TENM2: variants seen among roughly 807,000 people sequenced by gnomAD.
TENM2 encodes teneurin transmembrane protein 2, also known as teneurin-2.
Under a neutral mutation model 245.2 loss-of-function variants are expected in TENM2, and 52 were observed. The ratio of observed to expected loss-of-function variants is 0.21; its 90% confidence interval spans 0.17 to 0.27. The LOEUF (loss-of-function observed/expected upper bound fraction) is 0.27, where lower values mean the gene tolerates loss of function less well. Among genes scored for constraint, TENM2 ranks in the 10% least tolerant of loss-of-function variants. The pLI, the probability that TENM2 is intolerant of heterozygous loss-of-function variation, is 1.00. For synonymous variants in TENM2, 1,363 were observed against 1,438.9 expected (o/e 0.95, Z 1.19); for missense variants, 3,046 against 3,666.8 (o/e 0.83, Z 4.37).
chr5:167,419,538 T>G (rs1193839796), intron 2 of TENM2, among the ~76,000 whole-genome samples: 1 of 152,178 alleles, frequency 6.6e-6, no homozygotes, highest in Non-Finnish European at 1.5e-5. Context: ...ATCAGCATCT[T>G]TTCCCGTTTC....
intron 2 of TENM2, among the ~76,000 whole-genome samples, chr5:167,522,740 G>A (rs1384832424): frequency 6.6e-6 from 1 of 151,880 alleles, no homozygotes; most frequent in Non-Finnish European, 1.5e-5. Context: ...GAGAGTAGCT[G>A]GCCCTGGGAG....
chr5:167,062,087 C>A, the TENM2 span, among the ~76,000 whole-genome samples: 1 of 152,112 alleles, frequency 6.6e-6, no homozygotes, highest in South Asian at 2.1e-4. Flanking sequence ...GTCATTGTTA[C>A]CAAAAGCCTT....
At chr5:168,249,189 A>C (rs1361496213) in intron 27 of TENM2, among the ~76,000 whole-genome samples, 1 of 151,986 alleles carries the variant, frequency 6.6e-6, no homozygotes, top group Non-Finnish European at 1.5e-5. Flanking sequence ...ATGAAATGGT[A>C]TCTGCTTGTG....
exon 29 of TENM2, chr5:168,262,420 C>T (rs373794003): frequency 3.8e-5 from 60 of 1,581,244 alleles, no homozygotes; most frequent in Admixed American, 5.5e-5. Context: ...TGCTAGAGAG[C>T]GGGGTGAACG....
At chr5:167,227,918 A>G in the TENM2 span, among the ~76,000 whole-genome samples, 1 of 152,154 alleles carries the variant, frequency 6.6e-6, no homozygotes, top group South Asian at 2.1e-4. Context: ...ATGGTGTCCC[A>G]TATGTCACAA....
intron 3 of TENM2, among the ~76,000 whole-genome samples, chr5:167,910,122 TG>T (rs1431868486): frequency 6.6e-6 from 1 of 152,176 alleles, no homozygotes; most frequent in Admixed American, 6.5e-5. Flanking sequence ...TGTTCTCTCA[TG>T]GTTTTGGAAT....
chr5:167,941,597 A>G (rs1318476055), intron 3 of TENM2, among the ~76,000 whole-genome samples: 1 of 151,740 alleles, frequency 6.6e-6, no homozygotes, highest in African/African-American at 2.4e-5. Context: ...CTGTAATCCC[A>G]GCACTCTGGG....
chr5:167,457,238 G>A (rs962693119), intron 2 of TENM2, among the ~76,000 whole-genome samples: 1 of 152,012 alleles, frequency 6.6e-6, no homozygotes, highest in Non-Finnish European at 1.5e-5. Flanking sequence ...GAATCATATT[G>A]CAAAACCTTA....
At chr5:167,078,038 T>C in the TENM2 span, among the ~76,000 whole-genome samples, 6 of 151,962 alleles carry the variant, frequency 3.9e-5, no homozygotes, top group East Asian at 1.2e-3. Context: ...CACTAAAAGA[T>C]AAATATTAGA....
At chr5:167,031,882 G>A in the TENM2 span, among the ~76,000 whole-genome samples, 55,839 of 151,980 alleles carry the variant, frequency 0.37, 12,339 homozygotes, top group Admixed American at 0.54. Context: ...TTTTTTAAAA[G>A]CCTTGAGAAT....
At chr5:168,148,981 G>T (rs1041054714) in intron 12 of TENM2, among the ~76,000 whole-genome samples, 12 of 152,110 alleles carry the variant, frequency 7.9e-5, no homozygotes, top group Non-Finnish European at 1.6e-4. Flanking sequence ...GGTCAAGCTG[G>T]CCTATAGGGT....
intron 3 of TENM2, among the ~76,000 whole-genome samples, chr5:167,929,075 A>AAGAAAG (rs1778036335): frequency 1.5e-5 from 1 of 66,182 alleles, no homozygotes. Context: ...GAAAGAAAGA[A>AAGAAAG]AGAAAGAAAG....
chr5:167,948,758 T>C (rs765752664), intron 3 of TENM2: 5 of 152,236 alleles, frequency 3.3e-5, no homozygotes, highest in Non-Finnish European at 7.3e-5. Context: ...ATTTATGTAA[T>C]AGAAGAGCTC....
intron 2 of TENM2, among the ~76,000 whole-genome samples, chr5:167,588,647 G>C (rs1350077373): frequency 6.6e-6 from 1 of 152,212 alleles, no homozygotes; most frequent in African/African-American, 2.4e-5. Flanking sequence ...AAAATCTACT[G>C]TAAGTATATA....
the TENM2 span, among the ~76,000 whole-genome samples, chr5:167,107,477 A>G: frequency 2.6e-5 from 4 of 152,312 alleles, no homozygotes; most frequent in East Asian, 5.8e-4. Flanking sequence ...ATAAAGATTC[A>G]GAGGGTTATC....
intron 27 of TENM2, among the ~76,000 whole-genome samples, chr5:168,253,392 C>G (rs938813851): frequency 1.3e-5 from 2 of 149,384 alleles, no homozygotes; most frequent in African/African-American, 4.9e-5. Flanking sequence ...AATAAAAGCA[C>G]AGAGCAAAAA....
intron 1 of TENM2, among the ~76,000 whole-genome samples, chr5:167,356,492 G>A (rs1479047043): frequency 6.6e-6 from 1 of 152,138 alleles, no homozygotes; most frequent in Non-Finnish European, 1.5e-5. Flanking sequence ...AAAAAATGAG[G>A]AAAGGCAAGG....
At chr5:168,222,644 T>C (rs945104032) in intron 23 of TENM2, among the ~76,000 whole-genome samples, 1 of 152,192 alleles carries the variant, frequency 6.6e-6, no homozygotes, top group African/African-American at 2.4e-5. Flanking sequence ...GCCTGCTAAG[T>C]TCCCAGACTA....
intron 2 of TENM2, among the ~76,000 whole-genome samples, chr5:167,645,761 A>G (rs1004264632): frequency 2.0e-5 from 3 of 152,128 alleles, no homozygotes; most frequent in East Asian, 3.9e-4. Flanking sequence ...AAACCTTGAT[A>G]TCTTTATCTT....
Sources: allele counts gnomAD v4.1 joint callset (sites outside exome capture counted in the v4.1 genomes callset), GRCh38; gene constraint gnomAD v4.1.1; transcripts MANE v1.5; gene names NCBI Gene and HGNC (gene_info 2026-07-23, HGNC 2026-07-21).